SBF2: variants seen among roughly 807,000 people sequenced by gnomAD.
SBF2 encodes the protein SET binding factor 2.
In SBF2, 112 loss-of-function variants were observed where a neutral mutation model predicts 225.2. The observed-to-expected ratio is 0.50, with a 90% CI of 0.43 to 0.58. SBF2 has a LOEUF of 0.58. Ranked by LOEUF, SBF2 falls within the 20% of genes least tolerant of loss-of-function variation. SBF2 has a pLI of 0.00. For missense variants in SBF2, 1,996 were observed against 2,206.2 expected (o/e 0.90, Z 1.91); for synonymous variants, 763 against 773.3 (o/e 0.99, Z 0.22).
At chr11:9,975,679 G>C (rs1380917173) in intron 13 of SBF2, among the ~76,000 whole-genome samples, 1 of 152,150 alleles carries the variant, frequency 6.6e-6, no homozygotes. Flanking sequence ...AAATCAGATA[G>C]GACGGGAGGG....
intron 2 of SBF2, among the ~76,000 whole-genome samples, chr11:10,130,197 C>A (rs186017313): frequency 3.9e-5 from 6 of 152,050 alleles, no homozygotes; most frequent in Admixed American, 3.3e-4. Context: ...CCCATCTCTA[C>A]TAAAAATACA....
chr11:10,118,622 T>C (rs1953280829), intron 2 of SBF2, among the ~76,000 whole-genome samples: 1 of 152,138 alleles, frequency 6.6e-6, no homozygotes, highest in African/African-American at 2.4e-5. Flanking sequence ...TAATGTCATG[T>C]GATAATCAGA....
At chr11:10,121,551 G>C (rs1396219452) in intron 2 of SBF2, among the ~76,000 whole-genome samples, 1 of 152,174 alleles carries the variant, frequency 6.6e-6, no homozygotes, top group Admixed American at 6.5e-5. Context: ...GGTATGCAGG[G>C]CTAGTATTCT....
intron 2 of SBF2, among the ~76,000 whole-genome samples, chr11:10,118,601 T>G (rs1293821606): frequency 6.6e-6 from 1 of 152,114 alleles, no homozygotes; most frequent in Admixed American, 6.5e-5. Flanking sequence ...TTGTACCATA[T>G]ATCCTCTTTC....
intron 17 of SBF2, among the ~76,000 whole-genome samples, chr11:9,884,719 A>T (rs1012421499): frequency 4.6e-5 from 7 of 152,196 alleles, no homozygotes; most frequent in East Asian, 3.9e-4. Flanking sequence ...CTCAAGTCTT[A>T]TGGGAGGCAC....
chr11:9,879,214 C>T (rs2134076549), intron 17 of SBF2, among the ~76,000 whole-genome samples: 1 of 152,304 alleles, frequency 6.6e-6, no homozygotes, highest in African/African-American at 2.4e-5. Flanking sequence ...ACAAAGGAAA[C>T]AGTGCCACCT....
intron 27 of SBF2, among the ~76,000 whole-genome samples, chr11:9,831,902 G>A (rs770689088): frequency 4.3e-4 from 66 of 152,264 alleles, no homozygotes; most frequent in Non-Finnish European, 8.2e-4. Context: ...AAAGAAAAAA[G>A]ATTGGTATAA....
At chr11:9,807,886 G>T in intron 32 of SBF2, 114 bp downstream of exon 32, 1 of 940,662 alleles carries the variant, frequency 1.1e-6, no homozygotes, top group Non-Finnish European at 1.7e-6. Context: ...CTGTGGCTGA[G>T]TTAATCAGAG....
At chr11:10,145,162 T>C (rs1035043813) in intron 2 of SBF2, among the ~76,000 whole-genome samples, 6 of 152,288 alleles carry the variant, frequency 3.9e-5, no homozygotes, top group Middle Eastern at 3.4e-3. Flanking sequence ...ATGCAACAGT[T>C]TGAGGCTGGA....
chr11:10,182,676 C>A (rs1200737589), intron 2 of SBF2, among the ~76,000 whole-genome samples: 1 of 152,160 alleles, frequency 6.6e-6, no homozygotes, highest in Non-Finnish European at 1.5e-5. Context: ...ACCTCAGCCT[C>A]CCAAGTATGT....
At chr11:10,105,478 AGATT>A (rs1952507274) in intron 2 of SBF2, among the ~76,000 whole-genome samples, 1 of 152,224 alleles carries the variant, frequency 6.6e-6, no homozygotes, top group Non-Finnish European at 1.5e-5. Context: ...CTTACTAAAT[AGATT>A]AAGTAAATGG....
intron 1 of SBF2, among the ~76,000 whole-genome samples, chr11:10,220,860 T>C (rs1958314922): frequency 6.6e-6 from 1 of 152,170 alleles, no homozygotes; most frequent in South Asian, 2.1e-4. Context: ...CACATACATA[T>C]TTGTGTTCTT....
chr11:9,992,726 A>G (rs1947492761), intron 11 of SBF2, among the ~76,000 whole-genome samples, 183 bp from the exon 12 acceptor site: 1 of 152,226 alleles, frequency 6.6e-6, no homozygotes, highest in African/African-American at 2.4e-5. Flanking sequence ...TGAAAAGAAT[A>G]AAAATGAATC....
intron 2 of SBF2, among the ~76,000 whole-genome samples, chr11:10,069,294 C>T (rs1434406363): frequency 6.6e-6 from 1 of 150,598 alleles, no homozygotes. Flanking sequence ...GGTATTTCTC[C>T]TAATGCTATC....
intron 17 of SBF2, 148 bp downstream of exon 17, chr11:9,895,795 T>C: frequency 2.9e-6 from 2 of 681,960 alleles, no homozygotes; most frequent in East Asian, 2.7e-5. Flanking sequence ...ACACATAGCA[T>C]GCAATAAATG....
intron 30 of SBF2, among the ~76,000 whole-genome samples, chr11:9,811,921 G>A (rs1015762010): frequency 2.0e-5 from 3 of 152,122 alleles, no homozygotes; most frequent in Non-Finnish European, 4.4e-5. Flanking sequence ...TTCAAGACCA[G>A]CCTGGGCAAT....
intron 2 of SBF2, among the ~76,000 whole-genome samples, chr11:10,063,852 C>CAGAGAGAG (rs1156450605): frequency 7.5e-6 from 1 of 132,548 alleles, no homozygotes; most frequent in African/African-American, 2.8e-5. Flanking sequence ...CACACACACA[C>CAGAGAGAG]ACACACAGAG....
chr11:10,069,802 C>T (rs548728221), intron 2 of SBF2, among the ~76,000 whole-genome samples: 1 of 152,306 alleles, frequency 6.6e-6, no homozygotes, highest in Non-Finnish European at 1.5e-5. Context: ...CCTATTTCTC[C>T]ACATCCTCTC....
Position 9,871,380 on chromosome 11 carries a change from CAT to C in SBF2, c.1930-12986_1930-12985del, listed in dbSNP as rs1491415485. ...ATAAGACATACATGTGGCCAACAAA[CAT>C]ATGAAAAAAAGCTCACCATCACTGA... On this transcript the variant is annotated intron_variant, in intron 17 of 39. Coordinates refer to ENST00000256190, the MANE Select transcript of SBF2 (RefSeq NM_030962.4). 3.3e-5 allele frequency among the ~76,000 whole-genome samples: 5 copies of C among 151,350 alleles called. No homozygotes were observed. In the South Asian group the frequency reaches 8.4e-4, roughly 25 times the overall value.
Sources: gnomAD v4.1 joint callset for allele counts (sites outside exome capture counted in the v4.1 genomes callset) on GRCh38, gnomAD v4.1.1 for gene constraint, MANE v1.5 for transcripts, NCBI Gene and HGNC (gene_info 2026-07-23, HGNC 2026-07-21) for gene names.